NAV1: variants seen among roughly 807,000 people sequenced by gnomAD.
The protein encoded by NAV1 is pore membrane and/or filament interacting like protein 3.
NAV1 carries 18 observed loss-of-function variants against 175.2 expected under a neutral mutation model. The ratio of observed to expected loss-of-function variants is 0.10; its 90% confidence interval spans 0.07 to 0.15. The LOEUF is 0.15. Ranked by LOEUF, NAV1 falls within the 10% of genes least tolerant of loss-of-function variation. The pLI, the probability that NAV1 is intolerant of heterozygous loss-of-function variation, is 1.00. For missense variants in NAV1, 1,731 were observed against 2,436.6 expected, an observed-to-expected ratio of 0.71 and a Z score of 6.10; for synonymous variants, 897 against 978.7, an observed-to-expected ratio of 0.92 and a Z score of 1.56.
At chr1:201,695,514 G>A (rs1571889671) in intron 1 of NAV1, among the ~76,000 whole-genome samples, 1 of 152,278 alleles carries the variant, frequency 6.6e-6, no homozygotes, top group South Asian at 2.1e-4. Flanking sequence ...CTGGAAAGAT[G>A]TGTTGTCGCT....
chr1:201,673,100 C>T (rs1173798585), intron 1 of NAV1: 2 of 152,262 alleles, frequency 1.3e-5, no homozygotes, highest in African/African-American at 4.8e-5. Flanking sequence ...GCTTAATCTA[C>T]ACTCTTGCTG....
At chr1:201,665,596 C>G (rs1352367076) in intron 1 of NAV1, among the ~76,000 whole-genome samples, 1 of 69,728 alleles carries the variant, frequency 1.4e-5, no homozygotes, top group Non-Finnish European at 2.9e-5. Flanking sequence ...CCCCACCCCC[C>G]CCACTGCCCA....
At chr1:201,654,544 C>A (rs1669329246) in intron 1 of NAV1, among the ~76,000 whole-genome samples, 2 of 152,056 alleles carry the variant, frequency 1.3e-5, no homozygotes, top group Admixed American at 6.6e-5. Flanking sequence ...GGTGAAGGTG[C>A]AAGCTGCTCC....
chr1:201,696,098 G>A (rs956691886), intron 1 of NAV1, among the ~76,000 whole-genome samples: 1 of 152,188 alleles, frequency 6.6e-6, no homozygotes, highest in African/African-American at 2.4e-5. Context: ...AGATACATGG[G>A]GGCCAGGTAG....
chr1:201,585,615 C>T (rs1354644697), intron 1 of NAV1, among the ~76,000 whole-genome samples: 1 of 149,942 alleles, frequency 6.7e-6, no homozygotes, highest in African/African-American at 2.4e-5. Flanking sequence ...TACAATTTAA[C>T]AATGACAAAA....
At chr1:201,691,497 G>A (rs1030027516) in intron 1 of NAV1, among the ~76,000 whole-genome samples, 6 of 152,196 alleles carry the variant, frequency 3.9e-5, no homozygotes, top group African/African-American at 1.2e-4. Context: ...CATCAAGTAC[G>A]TAAACAAACA....
At position 201,718,796 on chromosome 1, in the gene NAV1, G is replaced by T. The variant is rs1268117326; in HGVS notation, c.1226+41G>T. The T allele has an allele frequency of 6.4e-7, 1 of 1,567,860 alleles. No homozygotes were observed. Among genetic ancestry groups the T allele is most frequent in the Non-Finnish European group, 8.7e-7 (1 of 1,152,248 alleles). The stretch of plus-strand genomic sequence containing the variant: ...TCTTGGATGGCGGGGGAGGATGGTG[G>T]AAAGACCACTGGGATGCGACGCCTT... On this transcript the variant is annotated intron_variant, in intron 3 of 29. Transcript: ENST00000367296. This position sits in a 1 kb window ranked among gnomAD's most constrained non-coding sequence, Gnocchi z 4.8.
At chr1:201,746,666 G>T (rs779197545) in intron 3 of NAV1, among the ~76,000 whole-genome samples, 3 of 152,146 alleles carry the variant, frequency 2.0e-5, no homozygotes, top group Non-Finnish European at 4.4e-5. Flanking sequence ...CGCAGTGAGT[G>T]TGGGAAACTC....
At chr1:201,629,378 G>C (rs1668423699) in intron 1 of NAV1, 26 bp from the exon 4 acceptor site, 2 of 1,293,616 alleles carry the variant, frequency 1.5e-6, no homozygotes, top group Admixed American at 4.6e-5. Context: ...TCTACCATGA[G>C]TGACTACCCT....
chr1:201,723,090 G>A (rs1242137896), intron 3 of NAV1, among the ~76,000 whole-genome samples: 4 of 152,184 alleles, frequency 2.6e-5, no homozygotes, highest in Non-Finnish European at 5.9e-5. Flanking sequence ...CAGCCTGGGC[G>A]ACAGAGCGAG....
intron 28 of NAV1, among the ~76,000 whole-genome samples, chr1:201,816,648 C>T (rs983337720): frequency 1.5e-4 from 22 of 148,350 alleles, no homozygotes; most frequent in East Asian, 3.9e-4. Flanking sequence ...ATCAGAGCCT[C>T]GAGGATTTAC....
intron 2 of NAV1, among the ~76,000 whole-genome samples, chr1:201,614,647 G>A (rs1331611861): frequency 6.6e-6 from 1 of 152,230 alleles, no homozygotes; most frequent in Non-Finnish European, 1.5e-5. Context: ...GCCTCCATTT[G>A]TCCTGATGGG....
At chr1:201,786,613 G>GA (rs766708047) in intron 9 of NAV1, 36 bp downstream of exon 13, 147 of 1,593,256 alleles carry the variant, frequency 9.2e-5, no homozygotes, top group Non-Finnish European at 1.2e-4. Flanking sequence ...GGCATGGGGT[G>GA]AAGCAGGGGT....
At chr1:201,545,845 T>C (rs1665655723) in intron 1 of NAV1, among the ~76,000 whole-genome samples, 1 of 152,250 alleles carries the variant, frequency 6.6e-6, no homozygotes, top group Non-Finnish European at 1.5e-5. Flanking sequence ...CTTTGCTCTT[T>C]ACTGTTTGTT....
intron 2 of NAV1, among the ~76,000 whole-genome samples, chr1:201,613,068 G>T (rs1349821757): frequency 6.6e-6 from 1 of 152,036 alleles, no homozygotes; most frequent in Non-Finnish European, 1.5e-5. Flanking sequence ...ACCTGTGTGG[G>T]GTCCAGGGAT....
chr1:201,731,171 C>T (rs184532035), intron 3 of NAV1, among the ~76,000 whole-genome samples: 2 of 149,174 alleles, frequency 1.3e-5, no homozygotes, highest in Non-Finnish European at 3.0e-5. Context: ...GACACGGGGG[C>T]ATGTGCGGTA....
chr1:201,820,951 C>T (rs376380810), exon 30 of NAV1: 1 of 152,072 alleles, frequency 6.6e-6, no homozygotes, highest in East Asian at 1.9e-4. Context: ...TGGCATGACA[C>T]CTGCCATGCC....
chr1:201,628,157 G>A (rs1668387698), intron 1 of NAV1, among the ~76,000 whole-genome samples: 1 of 145,292 alleles, frequency 6.9e-6, no homozygotes. Flanking sequence ...AAAAAAAAAA[G>A]AGAGACAGTA....
intron 2 of NAV1, among the ~76,000 whole-genome samples, chr1:201,640,390 G>A (rs1185840556): frequency 6.6e-6 from 1 of 152,182 alleles, no homozygotes. Flanking sequence ...CATCCATATT[G>A]GACCACTGTG....
Sources: gnomAD v4.1 joint callset for allele counts (sites outside exome capture counted in the v4.1 genomes callset) on GRCh38, gnomAD v4.1.1 for gene constraint, Gnocchi (gnomAD v3.1) non-coding constraint, MANE v1.5 for transcripts, NCBI Gene and HGNC (gene_info 2026-07-23, HGNC 2026-07-21) for gene names.